HEPACAM: variants seen among roughly 807,000 people sequenced by gnomAD.
HEPACAM encodes the protein hepatic and glial cell adhesion molecule, also known as hepatocyte cell adhesion molecule.
HEPACAM carries 18 observed loss-of-function variants against 38.3 expected under a neutral mutation model. The observed-to-expected ratio is 0.47, with a 90% CI of 0.33 to 0.70. The LOEUF is 0.70. Ranked by LOEUF, HEPACAM falls within the 30% of genes least tolerant of loss-of-function variation. HEPACAM has a pLI of 0.03. For missense variants in HEPACAM, 466 were observed against 563.0 expected (o/e 0.83, Z 1.74); for synonymous variants, 216 against 243.1 (o/e 0.89, Z 1.04).
At chr11:124,926,967 C>T (rs1555055555) in intron 1 of HEPACAM, among the ~76,000 whole-genome samples, 1 of 152,098 alleles carries the variant, frequency 6.6e-6, no homozygotes, top group Non-Finnish European at 1.5e-5. Context: ...CTCCCAGGTT[C>T]ACGCCATTCT....
chr11:124,922,452 G>T lies in HEPACAM; in HGVS notation c.884C>A (p.Thr295Asn), dbSNP rs1947152525. Residue 295 changes from threonine to asparagine, a missense_variant, in exon 6 of 7, where the codon ACC becomes AAC. Coordinates refer to ENST00000298251, the MANE Select transcript of HEPACAM (RefSeq NM_152722.5). ...TTCCTGCTCACCACTTCGAGGGAGG[G>T]TGTCTGCTGCACAGGGGAGAGAAGC... ...NDDRLKPEAD[T>N]LPRSGEQERK... 1.2e-6 allele frequency: 2 copies of T among 1,614,026 alleles called. No individual in the cohort carries two copies. The highest frequency in any genetic ancestry group is 1.7e-5 in the Admixed American group (1 of 60,004).
Position 124,922,371 on chromosome 11 carries a change from A to G in HEPACAM, c.948+17T>C. On this transcript the variant is annotated intron_variant, in intron 6 of 6. Coordinates refer to ENST00000298251, the MANE Select transcript of HEPACAM (RefSeq NM_152722.5). ...GATCACTGCATGTTTCTGGGCACCC[A>G]GTCCAGAGCCGCTCACCTTGTCCTT... 1 of 1,612,294 alleles carries G rather than the reference A, an allele frequency of 6.2e-7. No individual in the cohort carries two copies. The highest frequency in any genetic ancestry group is 1.3e-5 in the African/African-American group (1 of 75,004).
chr11:124,921,251 T>C lies in HEPACAM; in HGVS notation c.1138A>G (p.Arg380Gly). The change falls in exon 7 of 7, where the codon AGG becomes GGG. Residue 380 changes from arginine (R) to glycine (G), a missense_variant. By Grantham distance (125) the Arg-to-Gly change is moderately radical (BLOSUM62 -2). Coordinates refer to ENST00000298251, the MANE Select transcript of HEPACAM (RefSeq NM_152722.5). The surrounding 1 kb of genome is among the most constrained non-coding windows in gnomAD (Gnocchi z 4.6). The stretch of plus-strand genomic sequence containing the variant: ...GAGCGGCCGGGCGAGCTCGGGGCCC[T>C]GGGCGGCGACGAGTGTGTCCGGCCG... ...ATGRTHSSPPRAPSSPGRSRS... is the reference protein window; with the variant it reads ...ATGRTHSSPPGAPSSPGRSRS... 2 of 1,435,484 alleles carry C rather than the reference T, an allele frequency of 1.4e-6. No homozygotes were observed. The highest frequency in any genetic ancestry group is 1.8e-6 in the Non-Finnish European group (2 of 1,099,582). The allele number at this position is 1,435,484 out of a possible 1,614,324, so 88.9% of individuals were successfully genotyped here. A position where few individuals can be genotyped will look rare whatever the true frequency, so the allele number is the denominator to read the frequency against.
chr11:124,922,799 T>C lies in HEPACAM; in HGVS notation c.823A>G (p.Lys275Glu), dbSNP rs1433060251. 3.1e-6 allele frequency: 5 copies of C among 1,614,184 alleles called. No individual in the cohort carries two copies. The highest frequency in any genetic ancestry group is 2.2e-5 in the East Asian group (1 of 44,882). Residue 275 changes from lysine (K) to glutamate (E), a missense_variant, in exon 5 of 7, where the codon AAG becomes GAG. Transcript: ENST00000298251. ...TCCATGTATTCCAGGGAGTTTTGCT[T>C]TTCTAGCTTCTTCTGTTTCCTGTGA... ...PSKRKQKKLE[K>E]QNSLEYMDQN...
In HEPACAM at chr11:124,919,800, A is replaced by T. The variant is rs1947098970; in HGVS notation, c.*1338T>A. The T allele has an allele frequency of 1.2e-6, 2 of 1,614,040 alleles. No homozygotes were observed. Among genetic ancestry groups the T allele is most frequent in the Non-Finnish European group, 1.7e-6 (2 of 1,180,032 alleles). ...GCTCCATGGGTTGATGGCGAATCAG[A>T]GCTGGAGTTTAGGAGACTAGGGATG... On this transcript the variant is annotated 3_prime_UTR_variant, in exon 7 of 7. Coordinates refer to ENST00000298251, the MANE Select transcript of HEPACAM (RefSeq NM_152722.5).
Position 124,919,688 on chromosome 11 carries a change from G to A in HEPACAM, c.*1450C>T. 1 of 1,576,670 alleles carries A rather than the reference G, an allele frequency of 6.3e-7. No individual in the cohort carries two copies. The highest frequency in any genetic ancestry group is 1.2e-5 in the South Asian group (1 of 85,482). ...GCATGCTGTGGGGTTCAGGGCAGAGGGGGCAAACTAGAAATGTCAGTGCCT... is the reference window on the plus strand; with the variant it reads ...GCATGCTGTGGGGTTCAGGGCAGAGAGGGCAAACTAGAAATGTCAGTGCCT... On this transcript the variant is annotated 3_prime_UTR_variant, in exon 7 of 7. Coordinates refer to ENST00000298251, the MANE Select transcript of HEPACAM (RefSeq NM_152722.5).
At chr11:124,927,072 G>A (rs763329851) in intron 1 of HEPACAM, among the ~76,000 whole-genome samples, 11 of 152,020 alleles carry the variant, frequency 7.2e-5, no homozygotes, top group African/African-American at 1.4e-4. Flanking sequence ...GGGTTTCAGC[G>A]TGTTAGCCAG....
chr11:124,922,529 G>A, intron 5 of HEPACAM, 71 bp from the exon 6 acceptor site: 1 of 1,597,732 alleles, frequency 6.3e-7, no homozygotes, highest in South Asian at 1.1e-5. Context: ...CCTACTCTCT[G>A]TGCTTCCCGA....
rs1056258848 is a variant in HEPACAM, at chr11:124,921,164, C to A, written c.1225G>T (p.Ala409Ser). 5 of 1,528,026 alleles carry A rather than the reference C, an allele frequency of 3.3e-6. No homozygotes were observed. The South Asian group carries it at 4.8e-5, about 15-fold the overall frequency. 94.7% of individuals were successfully genotyped at this position (1,528,026 alleles called of 1,614,324 possible). A position where few individuals can be genotyped will look rare whatever the true frequency, so the allele number is the denominator to read the frequency against. Residue 409 changes from alanine to serine, a missense_variant, in exon 7 of 7, where the codon GCC (alanine) becomes TCC (serine). By Grantham distance (99) the Ala-to-Ser change is moderately conservative (BLOSUM62 1). Transcript: ENST00000298251. This position sits in a 1 kb window ranked among gnomAD's most constrained non-coding sequence, Gnocchi z 4.6. Reference sequence around the variant, plus strand: ...CAGGCGCTGATCTCCACCGGGCCGGCCTCGTCTTGCTCGCGGATTATGTGC... The same window carrying A: ...CAGGCGCTGATCTCCACCGGGCCGGACTCGTCTTGCTCGCGGATTATGTGC... ...GVHIIREQDEAGPVEISA is the reference protein window; with the variant it reads ...GVHIIREQDESGPVEISA
chr11:124,926,313 T>C (rs1250456641), intron 1 of HEPACAM, among the ~76,000 whole-genome samples: 1 of 152,184 alleles, frequency 6.6e-6, no homozygotes, highest in Non-Finnish European at 1.5e-5. Context: ...GAACACAAAA[T>C]TGAGCAGAGT....
rs764390226 is a variant in HEPACAM at position 124,924,920 on chromosome 11, C to T, written c.235G>A (p.Val79Met). ...ACCTCTGTGCCAATGGACTGCACCA[C>T]GGTCACTGGCTTGTCCCGCTTCAGC... Reference protein sequence around the residue: ...WQLKRDKPVTVVQSIGTEVIG... With the variant: ...WQLKRDKPVTMVQSIGTEVIG... Residue 79 changes from valine to methionine, a missense_variant, in exon 2 of 7, where the codon GTG (valine) becomes ATG (methionine). Physicochemically the swap from Val to Met is conservative, Grantham distance 21 (BLOSUM62 1). Transcript: ENST00000298251. This position sits in a 1 kb window ranked among gnomAD's most constrained non-coding sequence, Gnocchi z 4.4. The T allele has an allele frequency of 1.9e-5, 30 of 1,614,198 alleles. No homozygotes were observed. Among genetic ancestry groups the T allele is most frequent in the Non-Finnish European group, 2.5e-5 (29 of 1,180,030 alleles).
intron 4 of HEPACAM, 139 bp downstream of exon 4, chr11:124,923,201 T>C (rs1947162890): frequency 1.3e-6 from 1 of 772,850 alleles, no homozygotes; most frequent in South Asian, 1.4e-5. Flanking sequence ...TGCTGGTGCA[T>C]ACACAATGGA....
Position 124,935,981 on chromosome 11 carries a change from G to C in HEPACAM, c.26C>G (p.Ser9Cys). Residue 9 changes from serine to cysteine, a missense_variant, in exon 1 of 7, where the codon TCC (serine) becomes TGC (cysteine). Coordinates refer to ENST00000298251, the MANE Select transcript of HEPACAM (RefSeq NM_152722.5). ...AAGGCGCAGGGCCCTGGAGGCTCTG[G>C]ACAGGGCTCCCCTTTCTCTCTTCAT... is the stretch of plus-strand genomic sequence containing the variant. MKRERGAL[S>C]RASRALRLAP... 3 of 1,614,058 alleles carry C rather than the reference G, an allele frequency of 1.9e-6. No homozygotes were observed. Among genetic ancestry groups the C allele is most frequent in the Non-Finnish European group, 2.5e-6 (3 of 1,179,980 alleles).
intron 1 of HEPACAM, among the ~76,000 whole-genome samples, chr11:124,927,211 G>T (rs1268265274): frequency 6.6e-6 from 1 of 152,132 alleles, no homozygotes; most frequent in African/African-American, 2.4e-5. Flanking sequence ...GCTTTGCTAA[G>T]TAGTGAGCTC....
At chr11:124,935,057 T>C (rs901776389) in intron 1 of HEPACAM, among the ~76,000 whole-genome samples, 2 of 152,200 alleles carry the variant, frequency 1.3e-5, no homozygotes, top group South Asian at 2.1e-4. Context: ...CTACCTTTTT[T>C]CCCCATCTTT....
chr11:124,920,897 A>C lies in HEPACAM; in HGVS notation c.*241T>G. On this transcript the variant is annotated 3_prime_UTR_variant, in exon 7 of 7. Transcript: ENST00000298251. ...TCCTAAGAGGGCACAACCTATACCA[A>C]GTGAGGACACAGCCAGTAAACCGGA... 7.4e-7 allele frequency: 1 copy of C among 1,349,794 alleles called. No homozygotes were observed. Among genetic ancestry groups the C allele is most frequent in the Non-Finnish European group, 9.5e-7 (1 of 1,053,240 alleles). 83.6% of individuals were successfully genotyped at this position (1,349,794 alleles called of 1,614,324 possible).
Position 124,924,683 on chromosome 11 carries a change from G to A in HEPACAM, c.427+45C>T, listed in dbSNP as rs1167037544. 6.5e-7 allele frequency: 1 copy of A among 1,546,586 alleles called. No homozygotes were observed. Among genetic ancestry groups the A allele is most frequent in the Admixed American group, 1.7e-5 (1 of 59,856 alleles). Reference sequence around the variant, plus strand: ...GGTGCGCTGGGCAGACCTTTCCCTAGTCCCACCTGCCAGTCTTGCCTCTTT... The same window carrying A: ...GGTGCGCTGGGCAGACCTTTCCCTAATCCCACCTGCCAGTCTTGCCTCTTT... On this transcript the variant is annotated intron_variant, in intron 2 of 6. Coordinates refer to ENST00000298251, the MANE Select transcript of HEPACAM (RefSeq NM_152722.5). This position sits in a 1 kb window ranked among gnomAD's most constrained non-coding sequence, Gnocchi z 4.4.
chr11:124,922,667 C>T (rs767685101), intron 5 of HEPACAM, 78 bp downstream of exon 5: 104 of 1,614,002 alleles, frequency 6.4e-5, no homozygotes, highest in East Asian at 2.0e-4. Flanking sequence ...TTTTCCTTGT[C>T]GCCCAGTTCT....
Position 124,935,733 on chromosome 11 carries a change from G to A in HEPACAM, c.85+189C>T, listed in dbSNP as rs1017703221. Among the ~76,000 whole-genome samples, 4 of 152,158 alleles carry A rather than the reference G, an allele frequency of 2.6e-5. No individual in the cohort carries two copies. In the South Asian group the frequency reaches 6.2e-4, roughly 24 times the overall value. On this transcript the variant is annotated intron_variant, in intron 1 of 6. Transcript: ENST00000298251. The stretch of plus-strand genomic sequence containing the variant: ...TTTGGGGGAAGGGGGTAGGGGCCGC[G>A]CGGGAGGCACACAAAATAAAGAAAT...
Sources: gnomAD v4.1 joint callset for allele counts (sites outside exome capture counted in the v4.1 genomes callset) on GRCh38, gnomAD v4.1.1 for gene constraint, Gnocchi (gnomAD v3.1) non-coding constraint, MANE v1.5 for transcripts, NCBI Gene and HGNC (gene_info 2026-07-23, HGNC 2026-07-21) for gene names.